The following RARB variants were observed in gnomAD, a reference collection of about 807,000 sequenced individuals.
The protein encoded by RARB is HBV-activated protein.
A neutral mutation model predicts 51.9 loss-of-function variants in RARB; 17 were observed. The observed-to-expected ratio is 0.33, with a 90% CI of 0.22 to 0.49. RARB has a LOEUF of 0.49. Among genes scored for constraint, RARB ranks in the 20% least tolerant of loss-of-function variants. RARB has a pLI of 0.99. For missense variants in RARB, 369 were observed against 550.8 expected, an observed-to-expected ratio of 0.67 and a Z score of 3.30; for synonymous variants, 215 against 195.4, an observed-to-expected ratio of 1.10 and a Z score of -0.84.
At chr3:24,914,556 C>A (rs1695066791) in intron 2 of RARB, among the ~76,000 whole-genome samples, 1 of 152,138 alleles carries the variant, frequency 6.6e-6, no homozygotes, top group Admixed American at 6.5e-5. Flanking sequence ...GTACCAAAAT[C>A]CATGATACTC....
intron 5 of RARB, among the ~76,000 whole-genome samples, chr3:25,321,041 C>T (rs562918661): frequency 8.5e-5 from 13 of 152,264 alleles, no homozygotes; most frequent in African/African-American, 1.9e-4. Flanking sequence ...GTTTCCCTTT[C>T]GGAGCACTTT....
intron 5 of RARB, among the ~76,000 whole-genome samples, chr3:25,265,457 A>G (rs1289916632): frequency 2.6e-5 from 4 of 152,150 alleles, no homozygotes; most frequent in Non-Finnish European, 5.9e-5. Flanking sequence ...CAAATTTGGC[A>G]GCTTAAACCA....
At chr3:24,922,348 G>T (rs1310392440) in intron 2 of RARB, among the ~76,000 whole-genome samples, 2 of 152,292 alleles carry the variant, frequency 1.3e-5, no homozygotes, top group Non-Finnish European at 2.9e-5. Flanking sequence ...GCCTCTGACT[G>T]CATTCTTTAT....
At chr3:25,300,310 T>C (rs1704010740) in intron 5 of RARB, among the ~76,000 whole-genome samples, 3 of 152,236 alleles carry the variant, frequency 2.0e-5, no homozygotes, top group African/African-American at 7.2e-5. Context: ...GCACACTGTC[T>C]AGATCATGTC....
rs188810023 is a variant in RARB, at chr3:25,205,681, C to T, written c.178+31106C>T. The stretch of plus-strand genomic sequence containing the variant: ...TGCCCATATCAAAATTTCTCATGTG[C>T]CTCATAAATATGTGCATCTATTATG... On this transcript the variant is annotated intron_variant, in intron 5 of 11. Coordinates refer to the RARB transcript ENST00000383772. 5.3e-5 allele frequency among the ~76,000 whole-genome samples: 8 copies of T among 151,992 alleles called. No individual in the cohort carries two copies. In the East Asian group the frequency reaches 1.4e-3, roughly 26 times the overall value.
intron 4 of RARB, among the ~76,000 whole-genome samples, chr3:25,160,711 T>C (rs1700460263): frequency 6.6e-6 from 1 of 152,220 alleles, no homozygotes; most frequent in African/African-American, 2.4e-5. Context: ...CTTATAGCTC[T>C]GGAGGTCAGA....
chr3:25,557,274 G>A (rs1447978787), intron 3 of RARB, among the ~76,000 whole-genome samples: 2 of 152,138 alleles, frequency 1.3e-5, no homozygotes, highest in African/African-American at 4.8e-5. Context: ...TTAGTGGAAT[G>A]AATAACTGAG....
intron 5 of RARB, among the ~76,000 whole-genome samples, chr3:25,295,901 T>C (rs1275030070): frequency 6.6e-6 from 1 of 152,198 alleles, no homozygotes; most frequent in Non-Finnish European, 1.5e-5. Context: ...TTCTGAAGTA[T>C]CAGGACGGGA....
chr3:25,123,048 C>A (rs944264678), intron 3 of RARB, among the ~76,000 whole-genome samples: 1 of 151,958 alleles, frequency 6.6e-6, no homozygotes, highest in Non-Finnish European at 1.5e-5. Context: ...TGAATGGCAA[C>A]AATTCAATTC....
intron 2 of RARB, among the ~76,000 whole-genome samples, chr3:24,916,585 T>A (rs1243553528): frequency 6.6e-6 from 1 of 152,030 alleles, no homozygotes; most frequent in Admixed American, 6.6e-5. Flanking sequence ...AAAACACACT[T>A]GCAGAGAGTG....
intron 2 of RARB, among the ~76,000 whole-genome samples, chr3:24,895,161 T>C (rs763734451): frequency 3.9e-5 from 6 of 152,232 alleles, no homozygotes; most frequent in Non-Finnish European, 5.9e-5. Flanking sequence ...TTAAATGATA[T>C]AATCTCTATT....
chr3:25,465,090 A>G (rs1007874116), intron 2 of RARB, among the ~76,000 whole-genome samples: 6 of 152,224 alleles, frequency 3.9e-5, no homozygotes, highest in African/African-American at 1.4e-4. Context: ...TGGAATTTTT[A>G]GATCACTGGC....
intron 5 of RARB, among the ~76,000 whole-genome samples, chr3:25,199,364 G>T (rs149399053): frequency 0.034 from 5,128 of 152,090 alleles, 112 homozygotes; most frequent in Middle Eastern, 0.095. Context: ...AATATAGTTA[G>T]AATGAATAAG....
At chr3:25,027,792 C>T (rs1051050391) in intron 2 of RARB, among the ~76,000 whole-genome samples, 10 of 152,240 alleles carry the variant, frequency 6.6e-5, no homozygotes, top group South Asian at 2.1e-4. Context: ...GAGACTCAGG[C>T]GGCCCCAGAG....
rs150848787 is a variant in RARB, at chr3:25,171,554, G to A, written c.-279-2565G>A. ...GACCTCTCAACCAGACAGGCAAGAT[G>A]CTGACAATCTGCAGCGTTTGAAAGC... On this transcript the variant is annotated intron_variant, in intron 4 of 11. Coordinates refer to the RARB transcript ENST00000383772. Among the ~76,000 whole-genome samples, 437 of 124,528 alleles carry A rather than the reference G, an allele frequency of 3.5e-3. 6 individuals carry two copies. Among genetic ancestry groups the A allele is most frequent in the African/African-American group, 0.013 (425 of 32,476 alleles). The allele number at this position is 124,528 out of a possible 152,430, so 81.7% of individuals were successfully genotyped here. A position where few individuals can be genotyped will look rare whatever the true frequency, so the allele number is the denominator to read the frequency against.
intron 5 of RARB, among the ~76,000 whole-genome samples, chr3:25,358,508 C>T (rs1309749057): frequency 6.6e-6 from 1 of 152,142 alleles, no homozygotes; most frequent in Non-Finnish European, 1.5e-5. Flanking sequence ...CCAGAACTTC[C>T]AATACTATGT....
chr3:24,917,423 T>C (rs1306639048), intron 2 of RARB, among the ~76,000 whole-genome samples: 2 of 152,210 alleles, frequency 1.3e-5, no homozygotes, highest in Admixed American at 6.5e-5. Flanking sequence ...TGAACTCATA[T>C]CCAGAATAAA....
intron 5 of RARB, among the ~76,000 whole-genome samples, chr3:25,247,936 G>A (rs577777061): frequency 3.1e-4 from 47 of 152,296 alleles, no homozygotes; most frequent in African/African-American, 1.1e-3. Flanking sequence ...TTCTTTGTTA[G>A]TTTTCTGTCT....
At chr3:25,086,361 T>C (rs1290441241) in intron 3 of RARB, among the ~76,000 whole-genome samples, 2 of 152,222 alleles carry the variant, frequency 1.3e-5, no homozygotes, top group Admixed American at 6.5e-5. Flanking sequence ...CTTTGTGTAC[T>C]GTGTCATTTG....
Sources: gnomAD v4.1 joint callset for allele counts (sites outside exome capture counted in the v4.1 genomes callset) on GRCh38, gnomAD v4.1.1 for gene constraint, MANE v1.5 for transcripts, NCBI Gene and HGNC (gene_info 2026-07-23, HGNC 2026-07-21) for gene names.